RHBDD1: variants seen among roughly 807,000 people sequenced by gnomAD.
The protein encoded by RHBDD1 is rhomboid-related protein 4.
In RHBDD1, 38 loss-of-function variants were observed where a neutral mutation model predicts 36.3. That is an observed-to-expected ratio of 1.05 (90% CI 0.81 to 1.37). The LOEUF is 1.37. Ranked by LOEUF, RHBDD1 falls within the 40% of genes most tolerant of loss-of-function variation. RHBDD1 has a pLI of 0.00. For synonymous variants in RHBDD1, 151 were observed against 136.5 expected, an observed-to-expected ratio of 1.11 and a Z score of -0.74; for missense variants, 393 against 377.6, an observed-to-expected ratio of 1.04 and a Z score of -0.34.
rs554549931 is a variant in RHBDD1, at chr2:226,867,590, G to A, written c.566+272G>A. On this transcript the variant is annotated intron_variant, in intron 5 of 8. Transcript: ENST00000392062. ...GGAGAACCTGCTATACTGATCTGAG[G>A]ATCAATATTAACCAGCCAATCAGCT... The A allele has an allele frequency of 4.4e-4, 436 of 985,008 alleles. 2 individuals carry two copies. In the Middle Eastern group the frequency reaches 0.014, roughly 31 times the overall value. 61.0% of individuals were successfully genotyped at this position (985,008 alleles called of 1,614,324 possible).
intron 8 of RHBDD1, among the ~76,000 whole-genome samples, chr2:226,926,987 G>T (rs7582251): frequency 0.46 from 69,937 of 151,706 alleles, 16,353 homozygotes; most frequent in African/African-American, 0.53. Context: ...AATTTACTCC[G>T]TGTGGTGTAC....
chr2:226,819,602 TTC>T, the RHBDD1 span, among the ~76,000 whole-genome samples: 20 of 152,186 alleles, frequency 1.3e-4, no homozygotes, highest in African/African-American at 3.1e-4. Context: ...TCTCTGTACT[TTC>T]TGTTTAATTT....
At chr2:226,991,583 A>G (rs914911450) in intron 8 of RHBDD1, among the ~76,000 whole-genome samples, 5 of 152,222 alleles carry the variant, frequency 3.3e-5, no homozygotes, top group Admixed American at 2.0e-4. Context: ...ATACCATCCA[A>G]TGTTCAGCAG....
chr2:226,913,672 T>TG (rs971472082), intron 7 of RHBDD1, among the ~76,000 whole-genome samples: 13 of 152,070 alleles, frequency 8.5e-5, no homozygotes, highest in Non-Finnish European at 1.5e-4. Context: ...AACCTTTTTT[T>TG]GGGGGGGAGC....
At chr2:226,973,168 C>T (rs770082956) in intron 8 of RHBDD1, among the ~76,000 whole-genome samples, 9 of 152,100 alleles carry the variant, frequency 5.9e-5, no homozygotes, top group Non-Finnish European at 1.0e-4. Flanking sequence ...TGTGTGTGTA[C>T]GGAACTATAT....
chr2:226,857,009 G>A (rs1943396777), intron 3 of RHBDD1, among the ~76,000 whole-genome samples: 1 of 152,086 alleles, frequency 6.6e-6, no homozygotes, highest in Admixed American at 6.6e-5. Context: ...GTTTAACCAG[G>A]ACAGTTTCTG....
chr2:226,837,601 A>G (rs1288248762), intron 1 of RHBDD1: 1 of 152,178 alleles, frequency 6.6e-6, no homozygotes, highest in Non-Finnish European at 1.5e-5. Context: ...CAATGGTGCA[A>G]TCTTGGATCA....
chr2:226,870,066 A>G (rs1355362928), intron 5 of RHBDD1, among the ~76,000 whole-genome samples: 1 of 152,218 alleles, frequency 6.6e-6, no homozygotes. Flanking sequence ...GTGGAGAATC[A>G]TGAACATCAC....
the RHBDD1 span, chr2:226,804,188 A>G: frequency 6.6e-6 from 1 of 152,226 alleles, no homozygotes; most frequent in South Asian, 2.1e-4. Flanking sequence ...AAGAGTTATT[A>G]TCAAACAGTT....
chr2:226,839,474 T>G lies in RHBDD1; in HGVS notation c.-244T>G, dbSNP rs1941375045. 6.6e-6 allele frequency: 1 copy of G among 151,986 alleles called. No individual in the cohort carries two copies. The highest frequency in any genetic ancestry group is 2.4e-5 in the African/African-American group (1 of 41,372). The allele number at this position is 151,986 out of a possible 1,614,324, so 9.4% of individuals were successfully genotyped here. On this transcript the variant is annotated 5_prime_UTR_variant, in exon 3 of 9. Transcript: ENST00000392062. ...CCGAGAAGCTTTAAGAACAGTGAGG[T>G]TGAAGGGCACAGGCTCTTGGTCCTT...
chr2:226,850,442 T>C (rs1461616086), intron 3 of RHBDD1, among the ~76,000 whole-genome samples: 1 of 152,236 alleles, frequency 6.6e-6, no homozygotes, highest in Non-Finnish European at 1.5e-5. Context: ...CATTTTATTT[T>C]TTTTTATTCT....
intron 5 of RHBDD1, among the ~76,000 whole-genome samples, chr2:226,902,384 G>A (rs555117180): frequency 6.6e-6 from 1 of 152,208 alleles, no homozygotes; most frequent in East Asian, 1.9e-4. Flanking sequence ...CCCAGCTCAG[G>A]GGTAAAGTGC....
At chr2:226,929,845 C>T (rs879429008) in intron 8 of RHBDD1, among the ~76,000 whole-genome samples, 4 of 151,940 alleles carry the variant, frequency 2.6e-5, no homozygotes, top group Admixed American at 2.6e-4. Context: ...TGCTACACAC[C>T]AACAGCCACT....
At chr2:226,825,818 A>T in the RHBDD1 span, among the ~76,000 whole-genome samples, 1 of 152,242 alleles carries the variant, frequency 6.6e-6, no homozygotes, top group African/African-American at 2.4e-5. Context: ...CAAATTACTT[A>T]GACTTTCTGA....
intron 7 of RHBDD1, among the ~76,000 whole-genome samples, chr2:226,911,828 A>G (rs1044069495): frequency 8.5e-5 from 13 of 152,156 alleles, no homozygotes; most frequent in African/African-American, 1.4e-4. Context: ...ATATTTTGAC[A>G]TGGGAAACAG....
At chr2:226,839,367 C>G (rs1941363029) in intron 2 of RHBDD1, 42 bp from the exon 3 acceptor site, 1 of 152,168 alleles carries the variant, frequency 6.6e-6, no homozygotes, top group East Asian at 1.9e-4. Context: ...ATGTTGCAGT[C>G]ATAGCCACGT....
chr2:226,970,562 C>T (rs1953270067), intron 8 of RHBDD1, among the ~76,000 whole-genome samples: 1 of 152,154 alleles, frequency 6.6e-6, no homozygotes, highest in South Asian at 2.1e-4. Flanking sequence ...GGTAGAGGTC[C>T]ATTTCTCTTC....
chr2:226,860,054 A>C (rs1943701347), intron 3 of RHBDD1, among the ~76,000 whole-genome samples: 1 of 152,128 alleles, frequency 6.6e-6, no homozygotes, highest in Non-Finnish European at 1.5e-5. Flanking sequence ...GATGGATAGG[A>C]TTTGGGGGTA....
chr2:226,971,036 CG>C (rs1953383223), intron 8 of RHBDD1, among the ~76,000 whole-genome samples: 1 of 152,170 alleles, frequency 6.6e-6, no homozygotes, highest in Admixed American at 6.5e-5. Flanking sequence ...TGGTACATTT[CG>C]TAGACACTTA....
Sources: gnomAD v4.1 joint callset for allele counts (sites outside exome capture counted in the v4.1 genomes callset) on GRCh38, gnomAD v4.1.1 for gene constraint, MANE v1.5 for transcripts, NCBI Gene and HGNC (gene_info 2026-07-23, HGNC 2026-07-21) for gene names.